The following ISL1 variants were observed in gnomAD, a reference collection of about 807,000 sequenced individuals.
ISL1 encodes insulin gene enhancer protein ISL-1.
Under a neutral mutation model 35.3 loss-of-function variants are expected in ISL1, and 4 were observed. That is an observed-to-expected ratio of 0.11 (90% confidence interval 0.06 to 0.26). ISL1 has a LOEUF of 0.26. ISL1 is among the 10% of genes least tolerant of loss of function. The pLI, the probability that ISL1 is intolerant of heterozygous loss-of-function variation, is 1.00. For missense variants in ISL1, 340 were observed against 472.8 expected, an observed-to-expected ratio of 0.72 and a Z score of 2.60; for synonymous variants, 186 against 172.3, an observed-to-expected ratio of 1.08 and a Z score of -0.62.
chr5:51,390,579 C>T (rs1239883619), intron 4 of ISL1, among the ~76,000 whole-genome samples: 2 of 150,746 alleles, frequency 1.3e-5, no homozygotes, highest in Non-Finnish European at 2.9e-5. Context: ...ACCCACTCTG[C>T]AGGCCTCCTG....
intron 2 of ISL1, chr5:51,386,414 A>G (rs1197605771): frequency 3.4e-5 from 11 of 319,106 alleles, no homozygotes; most frequent in Non-Finnish European, 4.8e-5. Flanking sequence ...GTGTGTGTGT[A>G]ATCTTGTAGT....
At position 51,383,567 on chromosome 5, in the gene ISL1, G is replaced by A. The variant is rs1747264247; in HGVS notation, c.-105G>A. The A allele has an allele frequency of 4.1e-6, 4 of 984,294 alleles. No homozygotes were observed. Among genetic ancestry groups the A allele is most frequent in the Non-Finnish European group, 6.6e-6 (4 of 605,630 alleles). The allele number at this position is 984,294 out of a possible 1,614,324, so 61.0% of individuals were successfully genotyped here. ...GCTCTTTCAGCATTGGCAACCCCAG[G>A]GGCCAATATTTCCCACTTAGCCACA... On this transcript the variant is annotated 5_prime_UTR_variant, in exon 1 of 6. Transcript: ENST00000230658.
Position 51,383,627 on chromosome 5 carries a change from T to C in ISL1, c.-45T>C, listed in dbSNP as rs1279241390. 2 of 1,535,086 alleles carry C rather than the reference T, an allele frequency of 1.3e-6. No individual in the cohort carries two copies. The highest frequency in any genetic ancestry group is 1.8e-6 in the Non-Finnish European group (2 of 1,108,100). ...TCCTCTCTGTGGGCTGTTCACCAAC[T>C]GTACAACCACCATTTCACTGTGGAC... is the stretch of plus-strand genomic sequence containing the variant. On this transcript the variant is annotated 5_prime_UTR_variant, in exon 1 of 6. Transcript: ENST00000230658.
chr5:51,393,103 G>A (rs1289477481), intron 5 of ISL1, among the ~76,000 whole-genome samples: 1 of 152,180 alleles, frequency 6.6e-6, no homozygotes, highest in Non-Finnish European at 1.5e-5. Flanking sequence ...GAAGAAGAGA[G>A]TCTTTGATGC....
chr5:51,387,365 T>C lies in ISL1; in HGVS notation c.219-125T>C. 1.0e-6 allele frequency: 1 copy of C among 976,302 alleles called. No homozygotes were observed. The highest frequency in any genetic ancestry group is 1.6e-6 in the Non-Finnish European group (1 of 629,722). 60.5% of individuals were successfully genotyped at this position (976,302 alleles called of 1,614,324 possible). Reference sequence around the variant, plus strand: ...TCTGTTTCCAACTTCTGTTTGGAAATGCTGTTTACTTGGGGCGTCTTGCCC... The same window carrying C: ...TCTGTTTCCAACTTCTGTTTGGAAACGCTGTTTACTTGGGGCGTCTTGCCC... On this transcript the variant is annotated intron_variant, in intron 2 of 5. Coordinates refer to ENST00000230658, the MANE Select transcript of ISL1 (RefSeq NM_002202.3). The surrounding 1 kb of genome is among the most constrained non-coding windows in gnomAD (Gnocchi z 4.3).
At position 51,389,550 on chromosome 5, in the gene ISL1, C is replaced by A; in HGVS notation, c.479-96C>A. On this transcript the variant is annotated intron_variant, in intron 3 of 5. Transcript: ENST00000230658. The surrounding 1 kb of genome is among the most constrained non-coding windows in gnomAD (Gnocchi z 5.0). The stretch of plus-strand genomic sequence containing the variant: ...GCGGGCGAGCAAGTAAGCGGGCGGG[C>A]GGGCGGGCAAGCGAGCGAGCGAGCG... The A allele has an allele frequency of 2.0e-6, 2 of 993,360 alleles. No individual in the cohort carries two copies. Among genetic ancestry groups the A allele is most frequent in the East Asian group, 3.6e-5 (1 of 27,454 alleles). 61.5% of individuals were successfully genotyped at this position (993,360 alleles called of 1,614,324 possible).
chr5:51,387,603 G>T lies in ISL1; in HGVS notation c.332G>T (p.Ser111Ile). The change falls in exon 3 of 6, where the codon AGC becomes ATC. Residue 111 changes from serine to isoleucine, a missense_variant. Coordinates refer to ENST00000230658, the MANE Select transcript of ISL1 (RefSeq NM_002202.3). The surrounding 1 kb of genome is among the most constrained non-coding windows in gnomAD (Gnocchi z 4.3). ...HIECFRCVAC[S>I]RQLIPGDEFA... ...GAGTGTTTCCGCTGTGTGGCCTGCA[G>T]CCGCCAGCTCATCCCTGGGGACGAA... 6.2e-7 allele frequency: 1 copy of T among 1,614,230 alleles called. No homozygotes were observed.
intron 4 of ISL1, among the ~76,000 whole-genome samples, chr5:51,390,636 C>CCTTTTTTTTTTTTTTTTTTT (rs1747475980): frequency 1.2e-4 from 9 of 74,324 alleles, no homozygotes; most frequent in African/African-American, 3.8e-4. Context: ...TCTTTTCTTT[C>CCTTTTTTTTTTTTTTTTTTT]TTTTTCTTTT....
In ISL1 at chr5:51,384,726, A is replaced by G. The variant is rs1455956808; in HGVS notation, c.214A>G (p.Ile72Val). The G allele has an allele frequency of 6.2e-7, 1 of 1,612,622 alleles. No individual in the cohort carries two copies. Among genetic ancestry groups the G allele is most frequent in the Non-Finnish European group, 8.5e-7 (1 of 1,178,636 alleles). The change falls in exon 2 of 6, where the codon ATC becomes GTC. Residue 72 changes from isoleucine (I) to valine (V), a missense_variant. Coordinates refer to ENST00000230658, the MANE Select transcript of ISL1 (RefSeq NM_002202.3). ...DGKTYCKRDY[I>V]RLYGIKCAKC... ...GAAAACCTACTGTAAAAGAGATTATATCAGGTATGGCATTTACACTTCTTT... is the reference window on the plus strand; with the variant it reads ...GAAAACCTACTGTAAAAGAGATTATGTCAGGTATGGCATTTACACTTCTTT...
intron 4 of ISL1, 147 bp from the exon 5 acceptor site, chr5:51,391,126 TC>T: frequency 4.1e-6 from 3 of 728,292 alleles, no homozygotes; most frequent in Non-Finnish European, 6.7e-6. Context: ...CTAACTAATA[TC>T]CGTAGGTACG....
Position 51,389,761 on chromosome 5 carries a change from C to G in ISL1, c.594C>G (p.Thr198=). 6.2e-7 allele frequency: 1 copy of G among 1,614,194 alleles called. No individual in the cohort carries two copies. Among genetic ancestry groups the G allele is most frequent in the Non-Finnish European group, 8.5e-7 (1 of 1,180,032 alleles). The change falls in exon 4 of 6, where the codon ACC becomes ACG. Residue 198 remains threonine (T), a synonymous_variant. Transcript: ENST00000230658. This position sits in a 1 kb window ranked among gnomAD's most constrained non-coding sequence, Gnocchi z 5.0. The part of the protein sequence containing the change: ...LNEKQLHTLR[T]CYAANPRPDA... The stretch of plus-strand genomic sequence containing the variant: ...AGAAGCAGCTGCACACCTTGCGGAC[C>G]TGCTACGCCGCAAACCCGCGGCCAG...
intron 4 of ISL1, 86 bp downstream of exon 4, chr5:51,390,018 G>T: frequency 6.8e-7 from 1 of 1,466,460 alleles, no homozygotes; most frequent in South Asian, 1.2e-5. Flanking sequence ...AGGATCGCAC[G>T]GTTTTCAATC....
chr5:51,389,605 G>C lies in ISL1; in HGVS notation c.479-41G>C. ...CGCGACCGCGGGCGGGCCGGCAAGC[G>C]AGCCTCCAGCCCAGCGCTCACGGCG... On this transcript the variant is annotated intron_variant, in intron 3 of 5. Transcript: ENST00000230658. This position sits in a 1 kb window ranked among gnomAD's most constrained non-coding sequence, Gnocchi z 5.0. 1.3e-6 allele frequency: 2 copies of C among 1,493,324 alleles called. No homozygotes were observed. The highest frequency in any genetic ancestry group is 1.8e-6 in the Non-Finnish European group (2 of 1,125,302). The allele number at this position is 1,493,324 out of a possible 1,614,324, so 92.5% of individuals were successfully genotyped here.
At position 51,390,642 on chromosome 5, in the gene ISL1, CT is replaced by C. The variant is rs57707586; in HGVS notation, c.766-594del. 2.0e-3 allele frequency among the ~76,000 whole-genome samples: 82 copies of C among 40,222 alleles called. 4 individuals carry two copies. The highest frequency in any genetic ancestry group is 7.1e-3 in the African/African-American group (71 of 9,982). 26.4% of individuals were successfully genotyped at this position (40,222 alleles called of 152,430 possible). ...TCCTTTTTTTCTTTTCTTTCTTTTTCTTTTTTTTTTTTTTTTTTTTTTTTTT... is the reference window on the plus strand; with the variant it reads ...TCCTTTTTTTCTTTTCTTTCTTTTTCTTTTTTTTTTTTTTTTTTTTTTTTT... On this transcript the variant is annotated intron_variant, in intron 4 of 5. Transcript: ENST00000230658.
chr5:51,390,632 C>A (rs201856871), intron 4 of ISL1, among the ~76,000 whole-genome samples: 4 of 19,872 alleles, frequency 2.0e-4, no homozygotes, highest in African/African-American at 5.9e-4. Flanking sequence ...TTTTTCTTTT[C>A]TTTCTTTTTC....
chr5:51,390,239 G>A (rs1259038648), intron 4 of ISL1, among the ~76,000 whole-genome samples: 4 of 152,150 alleles, frequency 2.6e-5, no homozygotes, highest in Non-Finnish European at 4.4e-5. Context: ...GAGAAACGCC[G>A]TCCTCCCCTC....
rs374773039 is a variant in ISL1, at chr5:51,393,650, G to A, written c.*40G>A. The A allele has an allele frequency of 7.7e-7, 1 of 1,292,336 alleles. No individual in the cohort carries two copies. 80.1% of individuals were successfully genotyped at this position (1,292,336 alleles called of 1,614,324 possible). A position where few individuals can be genotyped will look rare whatever the true frequency, so the allele number is the denominator to read the frequency against. On this transcript the variant is annotated 3_prime_UTR_variant, in exon 6 of 6. Transcript: ENST00000230658. ...GTATTTTTTTTCCCTGTTGGAGAAA[G>A]TGGGAAATTATAATGTCGAACTCTG...
At chr5:51,392,671 T>G (rs991247753) in intron 5 of ISL1, among the ~76,000 whole-genome samples, 2 of 152,184 alleles carry the variant, frequency 1.3e-5, no homozygotes, top group African/African-American at 4.8e-5. Flanking sequence ...GAGCGAATCC[T>G]GAATCACAGG....
rs1747384752 is a variant in ISL1 at position 51,387,747 on chromosome 5, C to A, written c.476C>A (p.Ala159Glu). Residue 159 changes from alanine (A) to glutamate (E), a missense_variant and splice_region_variant, in exon 3 of 6, where the codon GCA becomes GAA. Transcript: ENST00000230658. This position sits in a 1 kb window ranked among gnomAD's most constrained non-coding sequence, Gnocchi z 4.3. Reference protein sequence around the residue: ...PLHPARPLQMAAEPISARQPA... With the variant: ...PLHPARPLQMEAEPISARQPA... ...CATCCAGCGCGGCCACTGCAAATGG[C>A]AGGTACTCCTCTGCCCGGCTCGGGT... The A allele has an allele frequency of 6.2e-7, 1 of 1,614,004 alleles. No individual in the cohort carries two copies. Among genetic ancestry groups the A allele is most frequent in the African/African-American group, 1.3e-5 (1 of 74,952 alleles).
Sources: allele counts gnomAD v4.1 joint callset (sites outside exome capture counted in the v4.1 genomes callset), GRCh38; gene constraint gnomAD v4.1.1; non-coding constraint Gnocchi (gnomAD v3.1); transcripts MANE v1.5; gene names NCBI Gene and HGNC (gene_info 2026-07-23, HGNC 2026-07-21).